NFIB: variants seen among roughly 807,000 people sequenced by gnomAD.
NFIB encodes nuclear factor I B.
Under a neutral mutation model 61.5 loss-of-function variants are expected in NFIB, and 11 were observed. That is an observed-to-expected ratio of 0.18 (90% CI 0.11 to 0.30). The LOEUF (loss-of-function observed/expected upper bound fraction) is 0.30. Ranked by LOEUF, NFIB falls within the 10% of genes least tolerant of loss-of-function variation. The probability of loss-of-function intolerance (pLI) is 1.00; values close to 1 mark genes in which losing one functional copy is unlikely to be tolerated. For missense variants in NFIB, 471 were observed against 608.9 expected (o/e 0.77, Z 2.38); for synonymous variants, 260 against 216.5 (o/e 1.20, Z -1.76).
At chr9:14,412,367 G>A in the NFIB span, among the ~76,000 whole-genome samples, 1 of 152,182 alleles carries the variant, frequency 6.6e-6, no homozygotes, top group Non-Finnish European at 1.5e-5. Context: ...TTGACACACA[G>A]TAAGGAATGT....
At chr9:14,205,773 G>A (rs971760119) in intron 2 of NFIB, among the ~76,000 whole-genome samples, 1 of 152,150 alleles carries the variant, frequency 6.6e-6, no homozygotes, top group African/African-American at 2.4e-5. Context: ...TTCACTGAAT[G>A]CCCATTCTAG....
chr9:14,192,809 C>T (rs1184927096), intron 2 of NFIB, among the ~76,000 whole-genome samples: 2 of 152,114 alleles, frequency 1.3e-5, no homozygotes, highest in African/African-American at 4.8e-5. Flanking sequence ...TCTATTCTAA[C>T]ATTACTGTAA....
At chr9:14,350,172 GC>G (rs1210081420) in intron 1 of NFIB, among the ~76,000 whole-genome samples, 1 of 152,116 alleles carries the variant, frequency 6.6e-6, no homozygotes, top group African/African-American at 2.4e-5. Flanking sequence ...AGTCCCAGGG[GC>G]CCCGACCCAA....
chr9:14,502,706 T>A, the NFIB span, among the ~76,000 whole-genome samples: 1 of 152,168 alleles, frequency 6.6e-6, no homozygotes, highest in African/African-American at 2.4e-5. Context: ...GAAGTTTTAT[T>A]TATTTTTATT....
intron 1 of NFIB, among the ~76,000 whole-genome samples, chr9:14,372,188 GA>G (rs893299106): frequency 6.7e-6 from 1 of 149,326 alleles, no homozygotes; most frequent in African/African-American, 2.5e-5. Context: ...AATAAAAATA[GA>G]AAAAAAAAGC....
chr9:14,224,930 A>G (rs2052177434), intron 2 of NFIB, among the ~76,000 whole-genome samples: 1 of 152,200 alleles, frequency 6.6e-6, no homozygotes, highest in African/African-American at 2.4e-5. Flanking sequence ...TTCTTATAGG[A>G]GAGCACATGA....
intron 3 of NFIB, among the ~76,000 whole-genome samples, chr9:14,176,368 T>G (rs959661110): frequency 6.6e-6 from 1 of 152,080 alleles, no homozygotes; most frequent in Non-Finnish European, 1.5e-5. Flanking sequence ...TGCTTAGCGC[T>G]TCTCAGCCAA....
chr9:14,286,121 T>A (rs1405031136), intron 2 of NFIB, among the ~76,000 whole-genome samples: 1 of 152,190 alleles, frequency 6.6e-6, no homozygotes, highest in Non-Finnish European at 1.5e-5. Context: ...TGCTGACATC[T>A]GAGGAATTGG....
At position 14,085,573 on chromosome 9, in the gene NFIB, T is replaced by C; in HGVS notation, c.*2736A>G. The C allele has an allele frequency of 4.5e-6, 1 of 220,874 alleles. No individual in the cohort carries two copies. Among genetic ancestry groups the C allele is most frequent in the East Asian group, 6.7e-5 (1 of 14,864 alleles). The allele number at this position is 220,874 out of a possible 1,614,324, so 13.7% of individuals were successfully genotyped here. On this transcript the variant is annotated 3_prime_UTR_variant, in exon 11 of 11. Transcript: ENST00000380953. The stretch of plus-strand genomic sequence containing the variant: ...TCCCTTCTGCTCTGGTTCTCAGTTT[T>C]AAAAGGGGAGATAAAATGAAAACAG...
At chr9:14,260,050 G>C (rs527794408) in intron 2 of NFIB, among the ~76,000 whole-genome samples, 1 of 152,318 alleles carries the variant, frequency 6.6e-6, no homozygotes, top group Admixed American at 6.5e-5. Context: ...GTGAGGGTCT[G>C]GAGGAAGCAC....
chr9:14,242,836 G>C (rs1159035854), intron 2 of NFIB, among the ~76,000 whole-genome samples: 1 of 152,260 alleles, frequency 6.6e-6, no homozygotes. Context: ...AGAAAGTTTG[G>C]AAAGAAAAAC....
chr9:14,102,580 C>G, intron 10 of NFIB: 1 of 1,226,744 alleles, frequency 8.2e-7, no homozygotes, highest in Non-Finnish European at 1.2e-6. Context: ...TAAATGAACA[C>G]ATGCAAACTA....
intron 2 of NFIB, among the ~76,000 whole-genome samples, chr9:14,200,289 A>T (rs2048893668): frequency 6.6e-6 from 1 of 152,190 alleles, no homozygotes; most frequent in African/African-American, 2.4e-5. Flanking sequence ...ATTACAATAA[A>T]CATAATCCAC....
intron 2 of NFIB, among the ~76,000 whole-genome samples, chr9:14,294,478 T>C (rs1423217383): frequency 6.6e-6 from 1 of 152,210 alleles, no homozygotes; most frequent in Admixed American, 6.5e-5. Context: ...TCAACAGCAA[T>C]CCCAGTTTAC....
intron 2 of NFIB, among the ~76,000 whole-genome samples, chr9:14,299,712 A>G (rs929767677): frequency 1.3e-4 from 20 of 152,198 alleles, no homozygotes; most frequent in Admixed American, 1.2e-3. Flanking sequence ...TTGTTCAGAG[A>G]TCTTTAATTT....
chr9:14,458,611 G>T, the NFIB span, among the ~76,000 whole-genome samples: 208 of 152,302 alleles, frequency 1.4e-3, 2 homozygotes, highest in South Asian at 8.1e-3. Flanking sequence ...TGTATATCTA[G>T]AAGACCCCAT....
the NFIB span, among the ~76,000 whole-genome samples, chr9:14,499,288 C>T: frequency 2.0e-5 from 3 of 152,026 alleles, no homozygotes; most frequent in Admixed American, 6.5e-5. Context: ...GAATGAAGAC[C>T]GGGATGGTGG....
intron 2 of NFIB, among the ~76,000 whole-genome samples, chr9:14,275,253 C>T (rs916958350): frequency 6.6e-6 from 1 of 152,128 alleles, no homozygotes; most frequent in Non-Finnish European, 1.5e-5. Flanking sequence ...TTCTGTGTCA[C>T]ATATTTAAAT....
intron 2 of NFIB, among the ~76,000 whole-genome samples, chr9:14,224,741 G>A (rs1331111315): frequency 6.6e-6 from 1 of 152,186 alleles, no homozygotes; most frequent in Non-Finnish European, 1.5e-5. Flanking sequence ...CCCCAGTGGG[G>A]CCTGGGGTTG....
Sources: gnomAD v4.1 joint callset for allele counts (sites outside exome capture counted in the v4.1 genomes callset) on GRCh38, gnomAD v4.1.1 for gene constraint, MANE v1.5 for transcripts, NCBI Gene and HGNC (gene_info 2026-07-23, HGNC 2026-07-21) for gene names.